WDFY3: variants seen among roughly 807,000 people sequenced by gnomAD.
WDFY3 encodes WD repeat and FYVE domain containing 3, also known as WD repeat and FYVE domain-containing protein 3.
In WDFY3, 66 loss-of-function variants were observed where a neutral mutation model predicts 409.6. The ratio of observed to expected loss-of-function variants is 0.16; its 90% CI spans 0.13 to 0.20. The LOEUF (loss-of-function observed/expected upper bound fraction) is 0.20, where lower values mean the gene tolerates loss of function less well. Among genes scored for constraint, WDFY3 ranks in the 10% least tolerant of loss-of-function variants. The probability of loss-of-function intolerance (pLI) is 1.00; values close to 1 mark genes in which losing one functional copy is unlikely to be tolerated. For missense variants in WDFY3, 3,031 were observed against 4,298.1 expected (o/e 0.71, Z 8.24); for synonymous variants, 1,521 against 1,537.1 (o/e 0.99, Z 0.25).
chr4:84,939,963 A>G (rs1418162083), intron 1 of WDFY3, among the ~76,000 whole-genome samples: 1 of 152,154 alleles, frequency 6.6e-6, no homozygotes, highest in Non-Finnish European at 1.5e-5. Flanking sequence ...AAATTTATGT[A>G]CATATGTCTG....
intron 1 of WDFY3, among the ~76,000 whole-genome samples, chr4:84,958,238 G>A (rs1774485735): frequency 6.6e-6 from 1 of 152,130 alleles, no homozygotes; most frequent in African/African-American, 2.4e-5. Flanking sequence ...CACCTACTGT[G>A]TATAGCTCAT....
At chr4:84,692,748 A>G in intron 59 of WDFY3, 137 bp downstream of exon 59, 1 of 779,606 alleles carries the variant, frequency 1.3e-6, no homozygotes, top group Non-Finnish European at 1.9e-6. Flanking sequence ...GTAGGTATTT[A>G]GTAATCTAAC....
chr4:84,718,959 T>G lies in WDFY3; in HGVS notation c.7606-389A>C, dbSNP rs115017603. Among the ~76,000 whole-genome samples the G allele has an allele frequency of 3.4e-3, 514 of 152,342 alleles. 2 individuals carry two copies. The highest frequency in any genetic ancestry group is 0.012 in the African/African-American group (503 of 41,588). ...GATTAGAATAGGATTGTGTTCTATGTGAGGCAAGATGATACAGAGTGAAAA... is the reference window on the plus strand; with the variant it reads ...GATTAGAATAGGATTGTGTTCTATGGGAGGCAAGATGATACAGAGTGAAAA... On this transcript the variant is annotated intron_variant, in intron 47 of 67. Transcript: ENST00000295888.
chr4:84,948,072 A>T (rs1008036376), intron 1 of WDFY3, among the ~76,000 whole-genome samples: 1 of 152,172 alleles, frequency 6.6e-6, no homozygotes. Flanking sequence ...AAATGCTACT[A>T]TAACTTTTTA....
intron 3 of WDFY3, among the ~76,000 whole-genome samples, chr4:84,869,686 T>C (rs759023147): frequency 2.0e-5 from 3 of 151,880 alleles, no homozygotes; most frequent in Non-Finnish European, 4.4e-5. Context: ...TACCACAAAC[T>C]TAAAAGATAA....
At chr4:84,673,046 G>A (rs1264442940) in intron 67 of WDFY3, 55 bp from the exon 68 acceptor site, 1 of 1,604,856 alleles carries the variant, frequency 6.2e-7, no homozygotes, top group Non-Finnish European at 8.5e-7. Context: ...TTGATCATGG[G>A]CACCGGAAAC....
chr4:84,753,652 T>C, intron 35 of WDFY3, 45 bp downstream of exon 35: 1 of 1,505,302 alleles, frequency 6.6e-7, no homozygotes, highest in Non-Finnish European at 8.9e-7. Flanking sequence ...ATTCCAGTTC[T>C]GACATTCTAA....
chr4:84,960,697 C>T (rs896910421), intron 1 of WDFY3, among the ~76,000 whole-genome samples: 1 of 151,936 alleles, frequency 6.6e-6, no homozygotes, highest in East Asian at 1.9e-4. Context: ...AGGCTGGTCT[C>T]GAATTTCTGA....
chr4:84,940,313 C>A (rs1771942589), intron 1 of WDFY3, among the ~76,000 whole-genome samples: 1 of 152,032 alleles, frequency 6.6e-6, no homozygotes, highest in Non-Finnish European at 1.5e-5. Flanking sequence ...TAATAAATTA[C>A]TTAGATTTAC....
intron 4 of WDFY3, among the ~76,000 whole-genome samples, chr4:84,857,684 C>A (rs1312486862): frequency 6.6e-6 from 1 of 152,128 alleles, no homozygotes; most frequent in African/African-American, 2.4e-5. Context: ...TTTAAAAGAG[C>A]TATTTTAAAC....
intron 4 of WDFY3, among the ~76,000 whole-genome samples, chr4:84,850,715 C>T (rs1758795375): frequency 1.3e-5 from 2 of 152,050 alleles, no homozygotes. Flanking sequence ...AGCAGCTCTA[C>T]TGCTAAATCC....
At chr4:84,941,607 T>C (rs910556844) in intron 1 of WDFY3, among the ~76,000 whole-genome samples, 2 of 152,058 alleles carry the variant, frequency 1.3e-5, no homozygotes, top group African/African-American at 2.4e-5. Context: ...GTTCTTCCCA[T>C]ATTTACCTAT....
chr4:84,783,133 TG>T, intron 24 of WDFY3, 59 bp from the exon 25 acceptor site: 1 of 1,484,886 alleles, frequency 6.7e-7, no homozygotes, highest in Non-Finnish European at 9.3e-7. Flanking sequence ...ATGTTTTGAT[TG>T]GAAAAGAAAC....
rs147700549 is a variant in WDFY3 at position 84,859,329 on chromosome 4, GTGTA to G, written c.180+1079_180+1082del. Among the ~76,000 whole-genome samples, 7 of 152,118 alleles carry G rather than the reference GTGTA, an allele frequency of 4.6e-5. No homozygotes were observed. In the Middle Eastern group the frequency reaches 0.01, roughly 222 times the overall value. On this transcript the variant is annotated intron_variant, in intron 4 of 67. Transcript: ENST00000295888. ...TGAGGAGGGCAGCATGTATGAATGA[GTGTA>G]TGTATGTATGTATGTATGTACATTA...
At chr4:84,743,104 T>A (rs1197779631) in intron 37 of WDFY3, among the ~76,000 whole-genome samples, 1 of 152,216 alleles carries the variant, frequency 6.6e-6, no homozygotes, top group Admixed American at 6.5e-5. Flanking sequence ...ACAGAGGTTA[T>A]ATGATTAGCA....
intron 62 of WDFY3, among the ~76,000 whole-genome samples, chr4:84,687,528 A>C (rs1728535409): frequency 1.3e-5 from 2 of 152,148 alleles, no homozygotes; most frequent in African/African-American, 4.8e-5. Flanking sequence ...TTTTAATCAA[A>C]TTTTGTTCTC....
At chr4:84,706,810 G>A (rs1181414187) in intron 53 of WDFY3, among the ~76,000 whole-genome samples, 1 of 152,046 alleles carries the variant, frequency 6.6e-6, no homozygotes, top group Non-Finnish European at 1.5e-5. Context: ...CACGATAGCA[G>A]TTCTGGGAGT....
At chr4:84,830,315 T>A (rs1755516777) in intron 8 of WDFY3, among the ~76,000 whole-genome samples, 1 of 152,170 alleles carries the variant, frequency 6.6e-6, no homozygotes, top group Admixed American at 6.6e-5. Context: ...ATAAGCATTG[T>A]TTTCCACTTT....
intron 3 of WDFY3, among the ~76,000 whole-genome samples, chr4:84,888,746 T>A (rs1286450159): frequency 6.6e-6 from 1 of 152,086 alleles, no homozygotes. Context: ...ATTTTGGACA[T>A]CCAGCTGTCA....
Sources: gnomAD v4.1 joint callset for allele counts (sites outside exome capture counted in the v4.1 genomes callset) on GRCh38, gnomAD v4.1.1 for gene constraint, MANE v1.5 for transcripts, NCBI Gene and HGNC (gene_info 2026-07-23, HGNC 2026-07-21) for gene names.